The following DCDC2C variants were observed in gnomAD, a reference collection of about 807,000 sequenced individuals.
DCDC2C encodes doublecortin domain-containing protein 2C.
DCDC2C carries 44 observed loss-of-function variants against 45.0 expected under a neutral mutation model. The ratio of observed to expected loss-of-function variants is 0.98; its 90% CI spans 0.77 to 1.26. The LOEUF is 1.26. Ranked by LOEUF, DCDC2C falls within the 50% of genes most tolerant of loss-of-function variation. The probability of loss-of-function intolerance (pLI) is 0.00; values close to 1 mark genes in which losing one functional copy is unlikely to be tolerated. For synonymous variants in DCDC2C, 187 were observed against 178.8 expected (o/e 1.05, Z -0.37); for missense variants, 447 against 468.9 (o/e 0.95, Z 0.43).
rs962060718 is a variant in DCDC2C, at chr2:3,739,584, TG to T, written c.417-2332del. On this transcript the variant is annotated intron_variant, in intron 3 of 10. Transcript: ENST00000399143. ...CCGGCAGAACGACACAGAGTTTGGC[TG>T]GGGCAGTTAGAGGAGTGCTGGGGTT... Among the ~76,000 whole-genome samples the T allele has an allele frequency of 4.5e-4, 69 of 152,322 alleles. 1 individual carries two copies. Among genetic ancestry groups the T allele is most frequent in the African/African-American group, 1.6e-3 (66 of 41,566 alleles).
At chr2:3,832,277 T>C (rs1302377753) in intron 10 of DCDC2C, among the ~76,000 whole-genome samples, 5 of 152,234 alleles carry the variant, frequency 3.3e-5, no homozygotes, top group Admixed American at 3.3e-4. Context: ...CATTCAAAAG[T>C]AGACTCCAAT....
chr2:3,714,298 A>G (rs1416589048), intron 2 of DCDC2C, among the ~76,000 whole-genome samples: 6 of 152,240 alleles, frequency 3.9e-5, no homozygotes, highest in East Asian at 1.9e-4. Context: ...GGACAATTAG[A>G]TTAGGAACAA....
At chr2:3,725,337 C>T (rs991198039) in intron 2 of DCDC2C, among the ~76,000 whole-genome samples, 11 of 151,294 alleles carry the variant, frequency 7.3e-5, no homozygotes, top group South Asian at 2.1e-4. Flanking sequence ...GCAGAGGCCC[C>T]GGGAAGCACA....
chr2:3,793,024 A>G (rs1670862457), intron 10 of DCDC2C, among the ~76,000 whole-genome samples: 2 of 152,228 alleles, frequency 1.3e-5, no homozygotes, highest in Non-Finnish European at 2.9e-5. Context: ...ATAAGGTCGT[A>G]TAATTTCCGT....
At chr2:3,718,423 T>G (rs1668402914) in intron 2 of DCDC2C, among the ~76,000 whole-genome samples, 1 of 152,160 alleles carries the variant, frequency 6.6e-6, no homozygotes, top group Non-Finnish European at 1.5e-5. Context: ...TCTCCTTATA[T>G]TTTTTAGCAG....
intron 2 of DCDC2C, among the ~76,000 whole-genome samples, chr2:3,709,027 C>T (rs1668139511): frequency 6.6e-6 from 1 of 152,170 alleles, no homozygotes; most frequent in Non-Finnish European, 1.5e-5. Context: ...GTCTACAGGA[C>T]AGAACATTCC....
At chr2:3,780,174 A>G (rs1463470240) in intron 9 of DCDC2C, among the ~76,000 whole-genome samples, 1 of 152,088 alleles carries the variant, frequency 6.6e-6, no homozygotes, top group Non-Finnish European at 1.5e-5. Flanking sequence ...TTCTGAGAGC[A>G]GGAGTGACAG....
At chr2:3,798,585 G>A (rs1671025627) in intron 10 of DCDC2C, among the ~76,000 whole-genome samples, 2 of 147,042 alleles carry the variant, frequency 1.4e-5, no homozygotes, top group African/African-American at 2.5e-5. Context: ...AAATCTCTCA[G>A]CATTTGCTTG....
intron 6 of DCDC2C, among the ~76,000 whole-genome samples, chr2:3,762,489 T>A (rs1301648534): frequency 6.6e-6 from 1 of 152,192 alleles, no homozygotes; most frequent in Non-Finnish European, 1.5e-5. Context: ...GGGAATAGCA[T>A]CTGCTTAGCT....
intron 10 of DCDC2C, among the ~76,000 whole-genome samples, chr2:3,807,674 A>G (rs1671287536): frequency 6.6e-6 from 1 of 151,920 alleles, no homozygotes; most frequent in Non-Finnish European, 1.5e-5. Flanking sequence ...CAGCATAGTC[A>G]AGGTATGGAA....
intron 10 of DCDC2C, among the ~76,000 whole-genome samples, chr2:3,790,039 A>G (rs1229190650): frequency 1.3e-5 from 2 of 152,198 alleles, no homozygotes; most frequent in Non-Finnish European, 2.9e-5. Context: ...ACTGTACCTC[A>G]AATCATAGTG....
chr2:3,754,773 A>G, intron 6 of DCDC2C, 139 bp downstream of exon 6: 1 of 667,876 alleles, frequency 1.5e-6, no homozygotes, highest in South Asian at 2.1e-5. Context: ...CATCAGTGCC[A>G]GGCTTATAAG....
intron 10 of DCDC2C, among the ~76,000 whole-genome samples, chr2:3,789,292 G>C (rs928692998): frequency 1.2e-4 from 19 of 152,192 alleles, no homozygotes; most frequent in African/African-American, 4.6e-4. Flanking sequence ...CCTTTTTCCT[G>C]CCCTATTTCC....
At chr2:3,826,473 T>C (rs1353959903) in intron 10 of DCDC2C, among the ~76,000 whole-genome samples, 3 of 152,142 alleles carry the variant, frequency 2.0e-5, no homozygotes, top group Non-Finnish European at 1.5e-5. Flanking sequence ...ATTGTAAAAA[T>C]CTTTTGTAGG....
chr2:3,842,304 A>G (rs1672232404), intron 10 of DCDC2C, among the ~76,000 whole-genome samples: 1 of 152,144 alleles, frequency 6.6e-6, no homozygotes, highest in African/African-American at 2.4e-5. Flanking sequence ...GAAATATACC[A>G]CAGAGACAAC....
rs115440570 is a variant in DCDC2C, at chr2:3,789,540, A to G, written c.1065+4440A>G. 7.7e-3 allele frequency among the ~76,000 whole-genome samples: 1,179 copies of G among 152,320 alleles called. 14 individuals are homozygous for G. Among genetic ancestry groups the G allele is most frequent in the African/African-American group, 0.027 (1,133 of 41,578 alleles). On this transcript the variant is annotated intron_variant, in intron 10 of 10. Transcript: ENST00000399143. ...GCTCTCATCCTTCAGGAAGCATACT[A>G]TTATAATCATGTCATTTTCAAATAC...
At chr2:3,839,790 A>T (rs1037285584) in intron 10 of DCDC2C, among the ~76,000 whole-genome samples, 9 of 152,182 alleles carry the variant, frequency 5.9e-5, no homozygotes, top group African/African-American at 2.2e-4. Flanking sequence ...ACTCGCCAAA[A>T]TGTCAGGGCT....
At chr2:3,825,154 C>T (rs1457467859) in intron 10 of DCDC2C, among the ~76,000 whole-genome samples, 2 of 152,182 alleles carry the variant, frequency 1.3e-5, no homozygotes, top group Admixed American at 6.5e-5. Context: ...ACCTGCTGCC[C>T]TAGCCCCTCA....
chr2:3,824,617 A>C (rs1671772524), intron 10 of DCDC2C, among the ~76,000 whole-genome samples: 1 of 152,084 alleles, frequency 6.6e-6, no homozygotes, highest in African/African-American at 2.4e-5. Context: ...CAAATTCATT[A>C]CTTTCTGCTT....
Sources: gnomAD v4.1 joint callset for allele counts (sites outside exome capture counted in the v4.1 genomes callset) on GRCh38, gnomAD v4.1.1 for gene constraint, MANE v1.5 for transcripts, NCBI Gene and HGNC (gene_info 2026-07-23, HGNC 2026-07-21) for gene names.